The following FCGR3A variants were observed in gnomAD, a reference collection of about 807,000 sequenced individuals.
FCGR3A encodes low affinity immunoglobulin gamma Fc region receptor III-A.
Under a neutral mutation model 24.1 loss-of-function variants are expected in FCGR3A, and 13 were observed. That is an observed-to-expected ratio of 0.54 (90% CI 0.35 to 0.86). The LOEUF (loss-of-function observed/expected upper bound fraction) is 0.86, where lower values mean the gene tolerates loss of function less well. Ranked by LOEUF, FCGR3A falls within the 40% of genes least tolerant of loss-of-function variation. The pLI is 0.01. For missense variants in FCGR3A, 235 were observed against 298.0 expected (o/e 0.79, Z 1.56); for synonymous variants, 93 against 112.2 (o/e 0.83, Z 1.08).
intron 4 of FCGR3A, 85 bp downstream of exon 4, chr1:161,544,616 A>T (rs1572013699): frequency 6.7e-7 from 1 of 1,498,510 alleles, no homozygotes; most frequent in East Asian, 2.3e-5. Context: ...AGAATCAGGA[A>T]TCTCCTCCCA....
upstream of FCGR3A, among the ~76,000 whole-genome samples, chr1:161,550,340 A>G (rs577120514): frequency 6.6e-6 from 1 of 152,202 alleles, no homozygotes; most frequent in Non-Finnish European, 1.5e-5. Context: ...TTCAAAATCT[A>G]TATGCTCCTG....
intron 4 of FCGR3A, among the ~76,000 whole-genome samples, chr1:161,544,158 G>A (rs1036334640): frequency 3.3e-5 from 5 of 151,878 alleles, no homozygotes; most frequent in African/African-American, 1.2e-4. Context: ...TTAGCACAGA[G>A]TCTAGCACAC....
chr1:161,548,079 A>T (rs1432964201), intron 3 of FCGR3A, among the ~76,000 whole-genome samples: 1 of 152,290 alleles, frequency 6.6e-6, no homozygotes, highest in African/African-American at 2.4e-5. Context: ...TCAAAAAATA[A>T]AATTAAAAAA....
upstream of FCGR3A, chr1:161,549,896 C>A: frequency 6.3e-7 from 1 of 1,595,568 alleles, no homozygotes; most frequent in Non-Finnish European, 8.6e-7. Flanking sequence ...ACTTCTCAGT[C>A]TGAAGTCTGG....
At position 161,549,786 on chromosome 1, in the gene FCGR3A, G is replaced by A. The variant is rs758781160; in HGVS notation, c.-50C>T. 41 of 1,613,760 alleles carry A rather than the reference G, an allele frequency of 2.5e-5. No individual in the cohort carries two copies. In the East Asian group the frequency reaches 7.6e-4, roughly 30 times the overall value. Reference sequence around the variant, plus strand: ...CACCAAAGATATCCGGAGCCCTAAAGGGACCAAACCGACTAGACAGGAGGA... The same window carrying A: ...CACCAAAGATATCCGGAGCCCTAAAAGGACCAAACCGACTAGACAGGAGGA... On this transcript the variant is annotated 5_prime_UTR_variant, in exon 1 of 5. Transcript: ENST00000443193.
At chr1:161,547,807 C>T (rs1214654934) in intron 3 of FCGR3A, among the ~76,000 whole-genome samples, 11 of 152,298 alleles carry the variant, frequency 7.2e-5, no homozygotes, top group South Asian at 6.2e-4. Context: ...TGGTGGCTCA[C>T]GCCTGTAGTC....
In FCGR3A at chr1:161,543,047, T is replaced by C. The variant is rs1432080552; in HGVS notation, c.730A>G (p.Lys244Glu). 1 of 1,612,908 alleles carries C rather than the reference T, an allele frequency of 6.2e-7. No homozygotes were observed. The highest frequency in any genetic ancestry group is 2.2e-5 in the East Asian group (1 of 44,890). Residue 244 changes from lysine (K) to glutamate (E), a missense_variant, in exon 5 of 5, where the codon AAA (lysine) becomes GAA (glutamate). Transcript: ENST00000443193. ...TGAGGGTCCTTTCTCCATTTAAATTTATGGTCCTTCCAGTCTCTTGTTGAG... is the reference window on the plus strand; with the variant it reads ...TGAGGGTCCTTTCTCCATTTAAATTCATGGTCCTTCCAGTCTCTTGTTGAG... Reference protein sequence around the residue: ...RSSTRDWKDHKFKWRKDPQDK With the variant: ...RSSTRDWKDHEFKWRKDPQDK
At chr1:161,543,587 A>C (rs426615) in intron 4 of FCGR3A, among the ~76,000 whole-genome samples, 61,665 of 148,026 alleles carry the variant, frequency 0.42, 11,118 homozygotes, top group East Asian at 0.58. Context: ...ATATATTTCC[A>C]AACTTAAAAA....
chr1:161,547,197 A>G (rs1363986318), intron 3 of FCGR3A, among the ~76,000 whole-genome samples: 2 of 151,922 alleles, frequency 1.3e-5, no homozygotes, highest in African/African-American at 4.8e-5. Flanking sequence ...GACATCTCTT[A>G]CCTAGCTAGA....
intron 3 of FCGR3A, chr1:161,545,334 T>G (rs1264019756): frequency 4.4e-6 from 1 of 229,350 alleles, no homozygotes; most frequent in Non-Finnish European, 8.6e-6. Context: ...AAAAATTGCA[T>G]TTGAAAATGA....
At chr1:161,545,038 G>T in intron 3 of FCGR3A, 80 bp from the exon 4 acceptor site, 1 of 1,564,618 alleles carries the variant, frequency 6.4e-7, no homozygotes, top group South Asian at 1.2e-5. Flanking sequence ...GTACCACCCA[G>T]ATCCTGAGAC....
intron 1 of FCGR3A, among the ~76,000 whole-genome samples, 153 bp from the exon 2 acceptor site, chr1:161,549,184 G>T (rs1677620500): frequency 6.6e-6 from 1 of 150,712 alleles, no homozygotes; most frequent in Non-Finnish European, 1.5e-5. Flanking sequence ...CTTGCTACCT[G>T]CTCTCTGGTC....
intron 1 of FCGR3A, among the ~76,000 whole-genome samples, chr1:161,549,341 A>G (rs1677627710): frequency 6.6e-6 from 1 of 151,964 alleles, no homozygotes; most frequent in South Asian, 2.1e-4. Flanking sequence ...GCCTCAACCC[A>G]TATCCCCACA....
chr1:161,548,878 C>T (rs1479874399), intron 2 of FCGR3A, 133 bp downstream of exon 2: 40 of 1,119,682 alleles, frequency 3.6e-5, no homozygotes, highest in Non-Finnish European at 4.8e-5. Flanking sequence ...CCAAGTTCTG[C>T]TGTGTTGGAG....
chr1:161,549,424 C>T (rs998336025), intron 1 of FCGR3A, among the ~76,000 whole-genome samples: 2 of 152,006 alleles, frequency 1.3e-5, no homozygotes, highest in Non-Finnish European at 2.9e-5. Context: ...ACCCTAGGGA[C>T]CATCTAGTCG....
upstream of FCGR3A, chr1:161,549,928 C>T: frequency 6.6e-7 from 1 of 1,511,698 alleles, no homozygotes; most frequent in Admixed American, 2.0e-5. Context: ...CACCATAGAA[C>T]AGGACCAGGA....
intron 4 of FCGR3A, 111 bp from the exon 5 acceptor site, chr1:161,543,310 T>G: frequency 7.9e-7 from 1 of 1,262,396 alleles, no homozygotes; most frequent in Non-Finnish European, 1.1e-6. Context: ...AACAGGCAAG[T>G]GGTAGGAATG....
chr1:161,549,982 C>T (rs1192164344), upstream of FCGR3A: 2 of 930,184 alleles, frequency 2.2e-6, no homozygotes, highest in Non-Finnish European at 1.6e-6. Flanking sequence ...GCCCCCTTTA[C>T]TCCCTCAAAG....
intron 3 of FCGR3A, among the ~76,000 whole-genome samples, chr1:161,547,306 C>T (rs1677464768): frequency 6.6e-6 from 1 of 152,166 alleles, no homozygotes; most frequent in African/African-American, 2.4e-5. Flanking sequence ...TTCAGAGGCC[C>T]AATTCCATGG....
Sources: allele counts gnomAD v4.1 joint callset (sites outside exome capture counted in the v4.1 genomes callset), GRCh38; gene constraint gnomAD v4.1.1; transcripts MANE v1.5; gene names NCBI Gene and HGNC (gene_info 2026-07-23, HGNC 2026-07-21).